Variants in ERBB4 observed in about 807,000 individuals in gnomAD.
ERBB4 encodes receptor tyrosine-protein kinase erbB-4.
A neutral mutation model predicts 158.0 loss-of-function variants in ERBB4; 42 were observed. The observed-to-expected ratio is 0.27, with a 90% confidence interval of 0.21 to 0.34. The LOEUF is 0.34. ERBB4 is among the 10% of genes least tolerant of loss of function. The probability of loss-of-function intolerance (pLI) is 1.00; values close to 1 mark genes in which losing one functional copy is unlikely to be tolerated. For synonymous variants in ERBB4, 583 were observed against 558.7 expected (o/e 1.04, Z -0.61); for missense variants, 1,333 against 1,624.1 (o/e 0.82, Z 3.08).
At chr2:211,538,001 A>G (rs1329455422) in intron 20 of ERBB4, among the ~76,000 whole-genome samples, 1 of 151,926 alleles carries the variant, frequency 6.6e-6, no homozygotes, top group Non-Finnish European at 1.5e-5. Context: ...AAATGACAAT[A>G]ATTTGAGGCC....
At chr2:211,820,606 A>G (rs991328960) in intron 3 of ERBB4, among the ~76,000 whole-genome samples, 2 of 151,930 alleles carry the variant, frequency 1.3e-5, no homozygotes, top group East Asian at 1.9e-4. Flanking sequence ...CCCTGATACT[A>G]AAACTAGGCA....
intron 20 of ERBB4, among the ~76,000 whole-genome samples, chr2:211,506,477 A>G (rs1003300873): frequency 2.0e-5 from 3 of 152,118 alleles, no homozygotes; most frequent in African/African-American, 7.2e-5. Flanking sequence ...TTTCATCTGA[A>G]CATGGAACAT....
intron 1 of ERBB4, among the ~76,000 whole-genome samples, chr2:212,241,026 A>G (rs1191499971): frequency 6.6e-6 from 1 of 152,184 alleles, no homozygotes; most frequent in Non-Finnish European, 1.5e-5. Context: ...TCTTGAAATC[A>G]GATATAAAAA....
At chr2:212,481,759 A>T (rs1460651413) in intron 1 of ERBB4, among the ~76,000 whole-genome samples, 1 of 152,230 alleles carries the variant, frequency 6.6e-6, no homozygotes, top group Non-Finnish European at 1.5e-5. Context: ...ATGTTTCTCA[A>T]AGATGAAGTA....
intron 1 of ERBB4, among the ~76,000 whole-genome samples, chr2:212,406,939 TGC>T (rs1461212499): frequency 6.6e-6 from 1 of 152,066 alleles, no homozygotes; most frequent in Non-Finnish European, 1.5e-5. Context: ...TCAGTCTCTT[TGC>T]ACATACTCTT....
At chr2:211,428,689 TCTAAAGATGTA>T (rs1156667091) in intron 21 of ERBB4, among the ~76,000 whole-genome samples, 3 of 152,148 alleles carry the variant, frequency 2.0e-5, no homozygotes, top group African/African-American at 7.2e-5. Context: ...AGTGAATTAA[TCTAAAGATGTA>T]CTATACTTAT....
intron 1 of ERBB4, among the ~76,000 whole-genome samples, chr2:212,455,325 T>C (rs1688229660): frequency 6.6e-6 from 1 of 152,182 alleles, no homozygotes; most frequent in African/African-American, 2.4e-5. Context: ...TCTCATTAGG[T>C]GATCTCATGT....
chr2:211,691,632 T>G (rs1041396265), intron 12 of ERBB4, among the ~76,000 whole-genome samples: 2 of 148,536 alleles, frequency 1.3e-5, no homozygotes, highest in Middle Eastern at 3.2e-3. Context: ...TGAGAGAACA[T>G]AGAATACAGC....
intron 1 of ERBB4, among the ~76,000 whole-genome samples, chr2:212,155,784 T>C (rs1044560516): frequency 2.6e-5 from 4 of 152,114 alleles, no homozygotes; most frequent in African/African-American, 9.7e-5. Flanking sequence ...CACAGATATT[T>C]TCCTATATTA....
intron 1 of ERBB4, among the ~76,000 whole-genome samples, chr2:212,462,200 C>A (rs552042588): frequency 7.0e-4 from 107 of 152,120 alleles, no homozygotes; most frequent in Non-Finnish European, 1.3e-3. Flanking sequence ...TTGGTCTGGG[C>A]AAAGATTTTA....
intron 1 of ERBB4, among the ~76,000 whole-genome samples, chr2:212,255,314 A>G (rs1386412704): frequency 6.6e-6 from 1 of 152,104 alleles, no homozygotes; most frequent in South Asian, 2.1e-4. Flanking sequence ...AGAGTCATTC[A>G]ACCCTTTTTA....
chr2:212,192,041 T>TA (rs773885153), intron 1 of ERBB4, among the ~76,000 whole-genome samples: 4 of 87,838 alleles, frequency 4.6e-5, no homozygotes, highest in East Asian at 4.1e-4. Context: ...TTATATGTTA[T>TA]ATATATGTTA....
At chr2:212,046,009 C>G (rs1056938592) in intron 2 of ERBB4, among the ~76,000 whole-genome samples, 1 of 152,188 alleles carries the variant, frequency 6.6e-6, no homozygotes, top group Non-Finnish European at 1.5e-5. Context: ...CAGGGATTCT[C>G]TCATTCAAGC....
intron 22 of ERBB4, among the ~76,000 whole-genome samples, chr2:211,425,422 T>G (rs2063606307): frequency 6.6e-6 from 1 of 151,960 alleles, no homozygotes; most frequent in African/African-American, 2.4e-5. Flanking sequence ...CTGATTTTTT[T>G]GGTTAATATT....
intron 1 of ERBB4, among the ~76,000 whole-genome samples, chr2:212,348,942 C>T (rs1262041228): frequency 8.5e-5 from 13 of 152,166 alleles, no homozygotes; most frequent in Admixed American, 6.6e-4. Context: ...ACTAAATTCA[C>T]ATAAAGAAAG....
chr2:211,963,744 T>C (rs1190180770), intron 2 of ERBB4, among the ~76,000 whole-genome samples: 1 of 152,112 alleles, frequency 6.6e-6, no homozygotes, highest in Non-Finnish European at 1.5e-5. Context: ...TAATACAACT[T>C]GGGGATATTA....
chr2:212,461,781 G>C (rs1436094731), intron 1 of ERBB4, among the ~76,000 whole-genome samples: 1 of 152,162 alleles, frequency 6.6e-6, no homozygotes, highest in African/African-American at 2.4e-5. Context: ...TTGTGGGAGG[G>C]ACCTGGTGGG....
intron 2 of ERBB4, among the ~76,000 whole-genome samples, chr2:212,049,678 G>C (rs1238973151): frequency 6.6e-6 from 1 of 152,094 alleles, no homozygotes. Flanking sequence ...TGATATTTTA[G>C]GTTATTTCTT....
intron 1 of ERBB4, among the ~76,000 whole-genome samples, chr2:212,143,007 A>AT (rs2080537657): frequency 6.6e-6 from 1 of 152,034 alleles, no homozygotes; most frequent in Admixed American, 6.6e-5. Context: ...TTGAAGAGTC[A>AT]TTTTAACAAA....
Sources: gnomAD v4.1 joint callset for allele counts (sites outside exome capture counted in the v4.1 genomes callset) on GRCh38, gnomAD v4.1.1 for gene constraint, MANE v1.5 for transcripts, NCBI Gene and HGNC (gene_info 2026-07-23, HGNC 2026-07-21) for gene names.